SNAP91: variants seen among roughly 807,000 people sequenced by gnomAD.
SNAP91 encodes synaptosome associated protein 91.
A neutral mutation model predicts 100.3 loss-of-function variants in SNAP91; 27 were observed. That is an observed-to-expected ratio of 0.27 (90% CI 0.20 to 0.37). The LOEUF is 0.37. SNAP91 is among the 10% of genes least tolerant of loss of function. The pLI is 1.00. For missense variants in SNAP91, 986 were observed against 1,123.7 expected (o/e 0.88, Z 1.75); for synonymous variants, 404 against 398.6 (o/e 1.01, Z -0.16).
intron 8 of SNAP91, among the ~76,000 whole-genome samples, chr6:83,635,333 T>C (rs1406324572): frequency 1.3e-5 from 2 of 152,212 alleles, no homozygotes; most frequent in Non-Finnish European, 2.9e-5. Context: ...GTTGGGTGTG[T>C]ATATATTTAG....
intron 8 of SNAP91, among the ~76,000 whole-genome samples, chr6:83,627,584 T>C (rs1482505840): frequency 2.6e-5 from 4 of 152,034 alleles, no homozygotes; most frequent in Admixed American, 6.6e-5. Flanking sequence ...TATTGAAAGG[T>C]TGTGTGTTTC....
At chr6:83,561,015 A>G (rs1308293373) in intron 26 of SNAP91, 68 bp from the exon 27 acceptor site, 1 of 1,010,950 alleles carries the variant, frequency 9.9e-7, no homozygotes, top group East Asian at 2.7e-5. Context: ...ACGACAATAA[A>G]CAAACAAAAA....
chr6:83,674,185 G>A (rs1479807077), intron 2 of SNAP91, among the ~76,000 whole-genome samples: 1 of 152,168 alleles, frequency 6.6e-6, no homozygotes. Flanking sequence ...AGCACTTTGC[G>A]AGGCCGAGGC....
chr6:83,680,734 T>C (rs1180824303), intron 2 of SNAP91, among the ~76,000 whole-genome samples: 4 of 152,108 alleles, frequency 2.6e-5, no homozygotes, highest in Non-Finnish European at 5.9e-5. Flanking sequence ...GTCTTGTGTA[T>C]TGAGGATGTT....
intron 22 of SNAP91, among the ~76,000 whole-genome samples, chr6:83,588,691 C>T (rs986746501): frequency 3.9e-5 from 6 of 152,138 alleles, no homozygotes; most frequent in African/African-American, 1.4e-4. Context: ...GGCTCTGTTA[C>T]TGACTTCTAA....
intron 12 of SNAP91, among the ~76,000 whole-genome samples, chr6:83,608,351 T>C (rs1391740676): frequency 6.6e-6 from 1 of 152,026 alleles, no homozygotes; most frequent in African/African-American, 2.4e-5. Context: ...CTATAGCCCA[T>C]CACTAAGATG....
At chr6:83,678,234 T>C (rs542117137) in intron 2 of SNAP91, among the ~76,000 whole-genome samples, 7 of 152,292 alleles carry the variant, frequency 4.6e-5, no homozygotes, top group African/African-American at 1.7e-4. Flanking sequence ...TAGGTGTCTC[T>C]AGAGAAGAAT....
rs189861403 is a variant in SNAP91, at chr6:83,634,539, T to C, written c.765+6557A>G. On this transcript the variant is annotated intron_variant, in intron 8 of 29. Transcript: ENST00000369694. ...CCTGCAGTCATTCTGGAGCAAAAAT[T>C]CACAATGCGAGCCTCCATATGCTGC... Among the ~76,000 whole-genome samples the C allele has an allele frequency of 1.5e-4, 23 of 152,236 alleles. No individual in the cohort carries two copies. In the East Asian group the frequency reaches 3.5e-3, roughly 23 times the overall value.
chr6:83,560,491 A>G (rs939891681), intron 27 of SNAP91, among the ~76,000 whole-genome samples: 5 of 152,210 alleles, frequency 3.3e-5, no homozygotes, highest in African/African-American at 9.7e-5. Context: ...ATTCTTGGAA[A>G]GAGAAAAATT....
intron 2 of SNAP91, among the ~76,000 whole-genome samples, chr6:83,701,875 G>T (rs1466902078): frequency 6.6e-6 from 1 of 152,204 alleles, no homozygotes; most frequent in Non-Finnish European, 1.5e-5. Context: ...AAAACAGCTA[G>T]AAAGACTGTG....
chr6:83,709,316 C>G (rs1450442046), upstream of SNAP91: 1 of 152,338 alleles, frequency 6.6e-6, no homozygotes, highest in Admixed American at 6.5e-5. Flanking sequence ...GCGGGGAGGC[C>G]GACACCCACC....
At chr6:83,618,122 T>C (rs1320218028) in intron 9 of SNAP91, among the ~76,000 whole-genome samples, 1 of 151,800 alleles carries the variant, frequency 6.6e-6, no homozygotes, top group Non-Finnish European at 1.5e-5. Context: ...TTTTGAAAAT[T>C]CAGGACATTT....
rs966897305 is a variant in SNAP91, at chr6:83,652,612, A to G, written c.658+4142T>C. Among the ~76,000 whole-genome samples, 3 of 152,142 alleles carry G rather than the reference A, an allele frequency of 2.0e-5. 1 individual carries two copies. The South Asian group carries it at 6.2e-4, about 31-fold the overall frequency. ...TATTATTGCTATCATTATTTTGAACAAACTGTTGTCTGTCAGATCAACTAA... is the reference window on the plus strand; with the variant it reads ...TATTATTGCTATCATTATTTTGAACGAACTGTTGTCTGTCAGATCAACTAA... On this transcript the variant is annotated intron_variant, in intron 7 of 29. Transcript: ENST00000369694.
rs780339995 is a variant in SNAP91, at chr6:83,593,625, G to C, written c.1549C>G (p.Pro517Ala). The C allele has an allele frequency of 3.7e-6, 6 of 1,610,674 alleles. No individual in the cohort carries two copies. The African/African-American group carries it at 8.0e-5, about 22-fold the overall frequency. ...GGAGAAGGAGCAGTTGCGGGAACTG[G>C]AGGGGCTGTGCTAGCTGTAGGGGTA... is the stretch of plus-strand genomic sequence containing the variant. ...VVTPTASTAP[P>A]VPATAPSPAP... Residue 517 changes from proline (P) to alanine (A), a missense_variant, in exon 18 of 30, where the codon CCA becomes GCA. Transcript: ENST00000369694.
chr6:83,564,470 C>CTCTAATT (rs535681672), intron 26 of SNAP91, among the ~76,000 whole-genome samples: 111 of 151,976 alleles, frequency 7.3e-4, no homozygotes, highest in African/African-American at 2.6e-3. Flanking sequence ...TCAAGCAATC[C>CTCTAATT]TCTAATTTCA....
At chr6:83,659,903 A>G (rs1224971011) in intron 5 of SNAP91, among the ~76,000 whole-genome samples, 1 of 152,214 alleles carries the variant, frequency 6.6e-6, no homozygotes, top group East Asian at 1.9e-4. Context: ...AACAAAGGTA[A>G]GAGTTTAGCT....
intron 7 of SNAP91, among the ~76,000 whole-genome samples, chr6:83,641,448 TAGA>T (rs1223620655): frequency 1.3e-5 from 2 of 152,146 alleles, no homozygotes; most frequent in Admixed American, 6.5e-5. Context: ...AGAACTAAAG[TAGA>T]AGAATATATG....
At chr6:83,700,695 A>G (rs751579432) in intron 2 of SNAP91, among the ~76,000 whole-genome samples, 1 of 152,030 alleles carries the variant, frequency 6.6e-6, no homozygotes, top group Non-Finnish European at 1.5e-5. Context: ...ATCATGGCTC[A>G]TTGCAGGCTT....
intron 2 of SNAP91, among the ~76,000 whole-genome samples, chr6:83,673,443 T>C (rs1464609253): frequency 1.3e-5 from 2 of 152,192 alleles, no homozygotes; most frequent in South Asian, 2.1e-4. Context: ...CTGGACTTCC[T>C]ATCTCCAGAA....
Sources: gnomAD v4.1 joint callset for allele counts (sites outside exome capture counted in the v4.1 genomes callset) on GRCh38, gnomAD v4.1.1 for gene constraint, MANE v1.5 for transcripts, NCBI Gene and HGNC (gene_info 2026-07-23, HGNC 2026-07-21) for gene names.